Variants in BIRC6 observed in about 807,000 individuals in gnomAD.
The protein encoded by BIRC6 is baculoviral IAP repeat containing 6.
Under a neutral mutation model 503.3 loss-of-function variants are expected in BIRC6, and 98 were observed. The ratio of observed to expected loss-of-function variants is 0.19; its 90% CI spans 0.17 to 0.23. The LOEUF is 0.23. Ranked by LOEUF, BIRC6 falls within the 10% of genes least tolerant of loss-of-function variation. The probability of loss-of-function intolerance (pLI) is 1.00; values close to 1 mark genes in which losing one functional copy is unlikely to be tolerated. For synonymous variants in BIRC6, 2,240 were observed against 2,078.7 expected, an observed-to-expected ratio of 1.08 and a Z score of -2.11; for missense variants, 5,360 against 5,806.0, an observed-to-expected ratio of 0.92 and a Z score of 2.50.
intron 67 of BIRC6, among the ~76,000 whole-genome samples, chr2:32,594,600 G>A (rs1314276470): frequency 1.3e-5 from 2 of 152,210 alleles, no homozygotes; most frequent in African/African-American, 4.8e-5. Flanking sequence ...GAAGGCTGAA[G>A]TGGGAGAATT....
At chr2:32,590,475 A>G (rs1326407177) in intron 66 of BIRC6, among the ~76,000 whole-genome samples, 1 of 152,228 alleles carries the variant, frequency 6.6e-6, no homozygotes, top group Non-Finnish European at 1.5e-5. Flanking sequence ...AAATAGCTGT[A>G]TTAAGCTGTT....
In BIRC6 at chr2:32,448,652, TGGAGAGG is replaced by T. The variant is rs550222036; in HGVS notation, c.4485-113_4485-107del. ...AGAGGGAGACCGTGGAAGGGGACCG[TGGAGAGG>T]GGAGAGGGGAGAGGGGAGAGGGGAG... On this transcript the variant is annotated intron_variant, in intron 21 of 73. Transcript: ENST00000421745. 5,406 of 604,286 alleles carry T rather than the reference TGGAGAGG, an allele frequency of 8.9e-3. 79 individuals are homozygous for T. Among genetic ancestry groups the T allele is most frequent in the Admixed American group, 0.048 (1,440 of 29,822 alleles). 37.4% of individuals were successfully genotyped at this position (604,286 alleles called of 1,614,324 possible).
Position 32,491,325 on chromosome 2 carries a change from A to C in BIRC6, c.8207-100A>C, listed in dbSNP as rs1394081567. 2.6e-6 allele frequency: 3 copies of C among 1,158,804 alleles called. No individual in the cohort carries two copies. The Admixed American group carries it at 8.6e-5, about 33-fold the overall frequency. The allele number at this position is 1,158,804 out of a possible 1,614,324, so 71.8% of individuals were successfully genotyped here. ...CTTTAATAAACTGTAATTACTAGGAATGTATGAATTTTCCTTGGAACTAAA... is the reference window on the plus strand; with the variant it reads ...CTTTAATAAACTGTAATTACTAGGACTGTATGAATTTTCCTTGGAACTAAA... On this transcript the variant is annotated intron_variant, in intron 43 of 73. Coordinates refer to ENST00000421745, the MANE Select transcript of BIRC6 (RefSeq NM_016252.4).
chr2:32,448,574 A>T (rs2046340343), intron 21 of BIRC6, among the ~76,000 whole-genome samples: 1 of 151,306 alleles, frequency 6.6e-6, no homozygotes, highest in South Asian at 2.1e-4. Context: ...TCAGGCAGGG[A>T]GGTTGCAGTG....
At chr2:32,610,959 T>G (rs188361312) in intron 72 of BIRC6, among the ~76,000 whole-genome samples, 19 of 152,176 alleles carry the variant, frequency 1.2e-4, no homozygotes, top group African/African-American at 4.1e-4. Context: ...AGTTCTGACC[T>G]TGTGATTCGC....
chr2:32,450,211 G>T (rs1205874473), intron 22 of BIRC6, among the ~76,000 whole-genome samples: 1 of 152,162 alleles, frequency 6.6e-6, no homozygotes, highest in Non-Finnish European at 1.5e-5. Flanking sequence ...GGGCACGGTG[G>T]CTCACGCCTG....
rs765737307 is a variant in BIRC6 at position 32,531,482 on chromosome 2, T to C, written c.12222T>C (p.Phe4074=). The change falls in exon 61 of 74, where the codon TTT becomes TTC. Residue 4074 remains phenylalanine (F), a synonymous_variant. Transcript: ENST00000421745. ...TCPIQSPLQV[F]AGMGGLALIA... is the part of the protein sequence containing the mutation. ...CAATTCAGTCACCATTACAAGTTTT[T>C]GCAGGAATGGGTGGACTGGCTCTTA... is the stretch of plus-strand genomic sequence containing the variant. 1.9e-5 allele frequency: 31 copies of C among 1,613,728 alleles called. No individual in the cohort carries two copies. The highest frequency in any genetic ancestry group is 3.3e-4 in the Middle Eastern group (2 of 6,082).
intron 5 of BIRC6, among the ~76,000 whole-genome samples, chr2:32,393,465 A>G (rs192893921): frequency 7.2e-5 from 11 of 152,356 alleles, no homozygotes; most frequent in Admixed American, 5.2e-4. Context: ...AATCTAAGAA[A>G]TCTAATACTT....
intron 20 of BIRC6, among the ~76,000 whole-genome samples, chr2:32,445,023 G>A (rs2045809247): frequency 1.3e-5 from 2 of 152,182 alleles, no homozygotes; most frequent in Admixed American, 1.3e-4. Flanking sequence ...TTTAAGCAAT[G>A]TCGATCTGTA....
In BIRC6 at chr2:32,586,362, A is replaced by C. The variant is rs866411561; in HGVS notation, c.13356-7553A>C. 1.1e-3 allele frequency among the ~76,000 whole-genome samples: 158 copies of C among 148,674 alleles called. 1 individual carries two copies. Among genetic ancestry groups the C allele is most frequent in the African/African-American group, 3.7e-3 (152 of 40,580 alleles). On this transcript the variant is annotated intron_variant, in intron 66 of 73. Transcript: ENST00000421745. ...TTTATTCTTTATCAAATGGCATTAT[A>C]TGAGCTTTATGTTTCACGACAGTTT...
At chr2:32,438,813 C>T (rs1485264844) in intron 15 of BIRC6, among the ~76,000 whole-genome samples, 1 of 151,972 alleles carries the variant, frequency 6.6e-6, no homozygotes, top group Non-Finnish European at 1.5e-5. Context: ...GCCTGCCTCA[C>T]CCTCCCAAAG....
intron 71 of BIRC6, among the ~76,000 whole-genome samples, chr2:32,605,116 C>T (rs1395924479): frequency 6.6e-6 from 1 of 152,136 alleles, no homozygotes; most frequent in Non-Finnish European, 1.5e-5. Flanking sequence ...CCCCTGATCT[C>T]AAGTGATCTG....
chr2:32,495,790 G>GTTTTTTT (rs11464835), intron 45 of BIRC6, among the ~76,000 whole-genome samples: 10 of 84,804 alleles, frequency 1.2e-4, no homozygotes, highest in Admixed American at 2.7e-4. Context: ...TCAGGATGAA[G>GTTTTTTT]TTTTTTTTTT....
At chr2:32,429,319 A>T in intron 11 of BIRC6, 24 bp downstream of exon 11, 2 of 1,439,122 alleles carry the variant, frequency 1.4e-6, no homozygotes, top group Non-Finnish European at 1.8e-6. Context: ...TTTTTAAATG[A>T]TTTTAAAAAA....
chr2:32,533,394 C>T (rs1390165036), intron 61 of BIRC6, among the ~76,000 whole-genome samples: 1 of 152,158 alleles, frequency 6.6e-6, no homozygotes, highest in African/African-American at 2.4e-5. Context: ...CTTTTTCTTG[C>T]TGCTTATAGT....
At chr2:32,489,981 T>C in intron 42 of BIRC6, 60 bp from the exon 43 acceptor site, 1 of 1,158,878 alleles carries the variant, frequency 8.6e-7, no homozygotes, top group South Asian at 1.3e-5. Context: ...TTCTTTTGAC[T>C]TAGTTCTTCA....
chr2:32,612,357 G>A (rs1429099810), intron 73 of BIRC6, among the ~76,000 whole-genome samples: 2 of 152,240 alleles, frequency 1.3e-5, no homozygotes, highest in African/African-American at 4.8e-5. Flanking sequence ...AAATGTGATT[G>A]GTTTGGAAGA....
At chr2:32,383,181 C>T (rs903394093) in intron 3 of BIRC6, among the ~76,000 whole-genome samples, 4 of 150,940 alleles carry the variant, frequency 2.7e-5, no homozygotes, top group Non-Finnish European at 4.4e-5. Flanking sequence ...CGAGTAGCTG[C>T]GATTACAGGC....
At chr2:32,548,957 A>G (rs1165678626) in intron 64 of BIRC6, 1 of 158,872 alleles carries the variant, frequency 6.3e-6, no homozygotes, top group Non-Finnish European at 1.4e-5. Context: ...GCAACTCTAG[A>G]ATGCTCCTTC....
Sources: allele counts gnomAD v4.1 joint callset (sites outside exome capture counted in the v4.1 genomes callset), GRCh38; gene constraint gnomAD v4.1.1; transcripts MANE v1.5; gene names NCBI Gene and HGNC (gene_info 2026-07-23, HGNC 2026-07-21).